Variants in DCLK2 observed in about 807,000 individuals in gnomAD.
DCLK2 encodes serine/threonine-protein kinase DCLK2.
Under a neutral mutation model 78.4 loss-of-function variants are expected in DCLK2, and 31 were observed. That is an observed-to-expected ratio of 0.40 (90% CI 0.30 to 0.53). The LOEUF is 0.53. Among genes scored for constraint, DCLK2 ranks in the 20% least tolerant of loss-of-function variants. The probability of loss-of-function intolerance (pLI) is 0.61; values close to 1 mark genes in which losing one functional copy is unlikely to be tolerated. For synonymous variants in DCLK2, 407 were observed against 374.9 expected, an observed-to-expected ratio of 1.09 and a Z score of -0.99; for missense variants, 872 against 973.7, an observed-to-expected ratio of 0.90 and a Z score of 1.39.
chr4:150,151,936 A>T (rs13125565), intron 2 of DCLK2, among the ~76,000 whole-genome samples: 46,763 of 149,902 alleles, frequency 0.31, 8,248 homozygotes, highest in Non-Finnish European at 0.4. Flanking sequence ...AAAAAAAAAA[A>T]TAATAATAAT....
intron 1 of DCLK2, among the ~76,000 whole-genome samples, chr4:150,084,128 A>T (rs180859024): frequency 6.6e-6 from 1 of 152,334 alleles, no homozygotes; most frequent in Admixed American, 6.5e-5. Flanking sequence ...CTCTGCTTAC[A>T]GCATTTTTCT....
At chr4:150,212,844 TG>T (rs527907073) in intron 5 of DCLK2, among the ~76,000 whole-genome samples, 21 of 152,204 alleles carry the variant, frequency 1.4e-4, no homozygotes, top group Non-Finnish European at 2.6e-4. Context: ...TTCATGAAAG[TG>T]GGCCCAGAAA....
chr4:150,254,741 T>G (rs1028070103), intron 15 of DCLK2, among the ~76,000 whole-genome samples: 3 of 152,160 alleles, frequency 2.0e-5, no homozygotes, highest in Admixed American at 6.5e-5. Context: ...AGTGCGGTGG[T>G]GTGATCCTAG....
At chr4:150,220,808 A>G in intron 6 of DCLK2, 30 bp downstream of exon 6, 2 of 1,569,638 alleles carry the variant, frequency 1.3e-6, no homozygotes, top group Non-Finnish European at 1.8e-6. Flanking sequence ...TTACTTTGAT[A>G]AAGGAAATCA....
chr4:150,218,231 G>A lies in DCLK2; in HGVS notation c.1057-2472G>A, dbSNP rs559726035. Among the ~76,000 whole-genome samples the A allele has an allele frequency of 5.9e-4, 90 of 152,118 alleles. 2 individuals are homozygous for A. The highest frequency in any genetic ancestry group is 1.0e-3 in the Non-Finnish European group (71 of 67,996). ...TCTCTTTCCCTGCTCCATGTCACCC[G>A]CAAATCCCAACATATGCCAGGTTTG... On this transcript the variant is annotated intron_variant, in intron 5 of 15. Transcript: ENST00000296550.
At chr4:150,225,217 T>A (rs925101058) in intron 8 of DCLK2, among the ~76,000 whole-genome samples, 1 of 152,236 alleles carries the variant, frequency 6.6e-6, no homozygotes, top group African/African-American at 2.4e-5. Flanking sequence ...GGGAGACTCA[T>A]CTTTGTGTTC....
chr4:150,206,835 C>G (rs917931542), intron 5 of DCLK2, among the ~76,000 whole-genome samples: 2 of 152,292 alleles, frequency 1.3e-5, no homozygotes, highest in Admixed American at 1.3e-4. Context: ...TTACAGTTCC[C>G]ATAATCTGTA....
In DCLK2 at chr4:150,125,955, TATAAAA is replaced by T. The variant is rs1732895413; in HGVS notation, c.756+23145_756+23150del. ...GCATGTAGACAATACTATAAAATAATATAAAAAGAAAATAATTTGTCTTAGTGATAG... is the reference window on the plus strand; with the variant it reads ...GCATGTAGACAATACTATAAAATAATAGAAAATAATTTGTCTTAGTGATAG... On this transcript the variant is annotated intron_variant, in intron 2 of 15. Coordinates refer to ENST00000296550, the MANE Select transcript of DCLK2 (RefSeq NM_001040260.4). 3.5e-5 allele frequency among the ~76,000 whole-genome samples: 5 copies of T among 141,908 alleles called. 1 individual carries two copies. The South Asian group carries it at 1.1e-3, about 31-fold the overall frequency. The allele number at this position is 141,908 out of a possible 152,430, so 93.1% of individuals were successfully genotyped here.
chr4:150,121,669 G>A (rs751574749), intron 2 of DCLK2, among the ~76,000 whole-genome samples: 2 of 152,182 alleles, frequency 1.3e-5, no homozygotes, highest in Non-Finnish European at 2.9e-5. Context: ...ATGGTATCTA[G>A]AATGGTGAAT....
intron 2 of DCLK2, among the ~76,000 whole-genome samples, chr4:150,158,872 AAAAG>A (rs890212968): frequency 1.3e-4 from 20 of 152,234 alleles, no homozygotes; most frequent in Non-Finnish European, 1.8e-4. Flanking sequence ...AAGAAAAGAA[AAAAG>A]AAAGAAATGC....
At chr4:150,242,308 G>A (rs1178106347) in intron 12 of DCLK2, among the ~76,000 whole-genome samples, 1 of 152,202 alleles carries the variant, frequency 6.6e-6, no homozygotes, top group African/African-American at 2.4e-5. Context: ...GAAAGATGTA[G>A]CATTTGAGTG....
chr4:150,111,195 AG>A (rs1213576456), intron 2 of DCLK2, among the ~76,000 whole-genome samples: 9 of 151,946 alleles, frequency 5.9e-5, no homozygotes, highest in Non-Finnish European at 1.3e-4. Flanking sequence ...GTAAGGTGGT[AG>A]GTATGTCATT....
At chr4:150,157,242 CTTTTTAAAAT>C (rs1344681357) in intron 2 of DCLK2, among the ~76,000 whole-genome samples, 1 of 145,672 alleles carries the variant, frequency 6.9e-6, no homozygotes, top group Non-Finnish European at 1.5e-5. Context: ...TACTAAAAAT[CTTTTTAAAAT>C]TTTTTAAAAT....
At chr4:150,250,424 A>G (rs533237079) in intron 15 of DCLK2, among the ~76,000 whole-genome samples, 13 of 152,204 alleles carry the variant, frequency 8.5e-5, no homozygotes, top group Middle Eastern at 3.4e-3. Flanking sequence ...GCCTGAGCCA[A>G]TGCAACCCTG....
At chr4:150,144,419 A>G (rs1412978288) in intron 2 of DCLK2, among the ~76,000 whole-genome samples, 5 of 152,082 alleles carry the variant, frequency 3.3e-5, no homozygotes, top group Admixed American at 6.6e-5. Flanking sequence ...TGGGTTCTCT[A>G]TTCTGTTCCA....
At chr4:150,114,873 T>A (rs539162080) in intron 2 of DCLK2, among the ~76,000 whole-genome samples, 14 of 152,350 alleles carry the variant, frequency 9.2e-5, no homozygotes, top group African/African-American at 3.4e-4. Context: ...CTTGGTGATG[T>A]CCTTTTTGTG....
chr4:150,140,497 G>A (rs1444214755), intron 2 of DCLK2, among the ~76,000 whole-genome samples: 2 of 152,146 alleles, frequency 1.3e-5, no homozygotes. Flanking sequence ...AGGAGCAAGT[G>A]GCAGAGTTGC....
At chr4:150,184,891 G>A (rs1035971452) in intron 2 of DCLK2, among the ~76,000 whole-genome samples, 33 of 152,178 alleles carry the variant, frequency 2.2e-4, no homozygotes, top group African/African-American at 7.5e-4. Context: ...GTGAGCCTCC[G>A]TGCCCGGCCA....
chr4:150,173,026 A>G (rs1388306595), intron 2 of DCLK2, among the ~76,000 whole-genome samples: 1 of 152,088 alleles, frequency 6.6e-6, no homozygotes, highest in Non-Finnish European at 1.5e-5. Context: ...GGTCTCTTCT[A>G]GTTTTATTTA....
Sources: gnomAD v4.1 joint callset for allele counts (sites outside exome capture counted in the v4.1 genomes callset) on GRCh38, gnomAD v4.1.1 for gene constraint, MANE v1.5 for transcripts, NCBI Gene and HGNC (gene_info 2026-07-23, HGNC 2026-07-21) for gene names.